NPC1: variants seen among roughly 807,000 people sequenced by gnomAD.
NPC1 encodes the protein Niemann-Pick C1 protein.
Under a neutral mutation model 140.4 loss-of-function variants are expected in NPC1, and 85 were observed. The ratio of observed to expected loss-of-function variants is 0.61; its 90% confidence interval spans 0.51 to 0.72. The LOEUF is 0.72. NPC1 is among the 30% of genes least tolerant of loss of function. NPC1 has a pLI of 0.00. For missense variants in NPC1, 1,504 were observed against 1,623.8 expected (o/e 0.93, Z 1.27); for synonymous variants, 656 against 624.8 (o/e 1.05, Z -0.74).
intron 3 of NPC1, among the ~76,000 whole-genome samples, chr18:23,514,779 A>G (rs972470498): frequency 2.6e-5 from 4 of 152,162 alleles, no homozygotes; most frequent in African/African-American, 4.8e-5. Flanking sequence ...GATCTTCAAG[A>G]AAAAAGTTAA....
chr18:23,544,248 C>T (rs2058751636), intron 13 of NPC1, 96 bp downstream of exon 13: 2 of 1,212,762 alleles, frequency 1.6e-6, no homozygotes, highest in Admixed American at 1.9e-5. Context: ...ACAAAACACC[C>T]TCACAGGTCA....
intron 1 of NPC1, among the ~76,000 whole-genome samples, chr18:23,575,925 A>AAAC (rs923568728): frequency 7.2e-5 from 11 of 152,038 alleles, no homozygotes; most frequent in Admixed American, 1.3e-4. Flanking sequence ...TGTCTCTTAA[A>AAAC]AACAACAACA....
At chr18:23,572,943 G>C (rs17259313) in intron 2 of NPC1, among the ~76,000 whole-genome samples, 7,700 of 152,254 alleles carry the variant, frequency 0.051, 301 homozygotes, top group East Asian at 0.2. Context: ...CTTTTCACAT[G>C]ATTTTTCCAG....
chr18:23,575,461 T>G (rs1288611640), intron 1 of NPC1, among the ~76,000 whole-genome samples: 2 of 151,964 alleles, frequency 1.3e-5, no homozygotes, highest in African/African-American at 4.8e-5. Flanking sequence ...CTGGAGCAGG[T>G]TACGTAACCA....
At chr18:23,545,234 A>AG in intron 11 of NPC1, 85 bp from the exon 12 acceptor site, 1 of 1,020,612 alleles carries the variant, frequency 9.8e-7, no homozygotes, top group Non-Finnish European at 1.5e-6. Context: ...CACGATACAA[A>AG]GGCCACGTTT....
chr18:23,548,336 ACT>A (rs1258560396), intron 10 of NPC1, among the ~76,000 whole-genome samples: 3 of 138,998 alleles, frequency 2.2e-5, no homozygotes, highest in South Asian at 2.2e-4. Context: ...AGGAAGAGTA[ACT>A]CTTTTTTTTT....
At chr18:23,541,941 T>TA (rs1191248250) in intron 14 of NPC1, among the ~76,000 whole-genome samples, 3 of 152,198 alleles carry the variant, frequency 2.0e-5, no homozygotes, top group Non-Finnish European at 2.9e-5. Flanking sequence ...GCCCACACTG[T>TA]ATCAACCCAT....
At chr18:23,531,159 T>G (rs757245846), downstream of NPC1, among the ~76,000 whole-genome samples, 15 of 152,014 alleles carry the variant, frequency 9.9e-5, no homozygotes, top group Non-Finnish European at 2.2e-4. Context: ...CCCGGCTGAT[T>G]TTTGTATTTT....
chr18:23,546,870 T>C (rs1252820472), intron 11 of NPC1, among the ~76,000 whole-genome samples: 1 of 152,230 alleles, frequency 6.6e-6, no homozygotes, highest in African/African-American at 2.4e-5. Context: ...AGTTAAAGGG[T>C]ACAGAGTTTT....
chr18:23,537,610 C>T (rs2058651235), intron 20 of NPC1, among the ~76,000 whole-genome samples: 1 of 152,176 alleles, frequency 6.6e-6, no homozygotes. Context: ...GGGTATACCA[C>T]CACCTACTCA....
chr18:23,525,431 TAA>T (rs2058269849), downstream of NPC1, among the ~76,000 whole-genome samples: 1 of 151,750 alleles, frequency 6.6e-6, no homozygotes, highest in South Asian at 2.1e-4. Flanking sequence ...ATAATAATAA[TAA>T]TAATTATTTT....
At chr18:23,551,509 A>G (rs2058872254) in intron 10 of NPC1, 118 bp downstream of exon 10, 2 of 819,566 alleles carry the variant, frequency 2.4e-6, no homozygotes, top group Non-Finnish European at 4.3e-6. Flanking sequence ...GGGATTCAAG[A>G]GGTAAGAAAT....
downstream of NPC1, chr18:23,526,843 C>T: frequency 6.5e-7 from 1 of 1,545,310 alleles, no homozygotes. Flanking sequence ...GGGATGTGGG[C>T]TACATTGTTG....
At chr18:23,584,958 G>T (rs1471122215) in intron 1 of NPC1, among the ~76,000 whole-genome samples, 2 of 152,154 alleles carry the variant, frequency 1.3e-5, no homozygotes, top group African/African-American at 2.4e-5. Flanking sequence ...AAGGTGGAAG[G>T]ACTGCTTGAG....
At chr18:23,518,005 G>A (rs375614002), downstream of NPC1, among the ~76,000 whole-genome samples, 89 of 152,268 alleles carry the variant, frequency 5.8e-4, 2 homozygotes, top group East Asian at 2.1e-3. Context: ...GGCATGAGCC[G>A]CCGTGCCCAG....
intron 6 of NPC1, among the ~76,000 whole-genome samples, chr18:23,558,890 A>G (rs1013588180): frequency 5.3e-5 from 8 of 151,948 alleles, no homozygotes; most frequent in Non-Finnish European, 8.8e-5. Flanking sequence ...ACCCCACAAC[A>G]GTCCCCGGTG....
chr18:23,529,486 G>T, downstream of NPC1: 3 of 1,249,720 alleles, frequency 2.4e-6, no homozygotes, highest in Non-Finnish European at 3.4e-6. Flanking sequence ...TTGTTGACGG[G>T]TGGTTCTGGA....
At position 23,551,732 on chromosome 18, in the gene NPC1, C is replaced by A. The variant is rs2058875869; in HGVS notation, c.1554-5G>T. On this transcript the variant is annotated splice_region_variant and splice_polypyrimidine_tract_variant and intron_variant, in intron 9 of 24. Transcript: ENST00000269228. Reference sequence around the variant, plus strand: ...TCATTCAGAGAGGCAGGAGCCCTGCCAAAAAGTTTAGAAAACACCTCCCAG... The same window carrying A: ...TCATTCAGAGAGGCAGGAGCCCTGCAAAAAAGTTTAGAAAACACCTCCCAG... 1 of 1,611,372 alleles carries A rather than the reference C, an allele frequency of 6.2e-7. No individual in the cohort carries two copies. The highest frequency in any genetic ancestry group is 1.7e-5 in the Admixed American group (1 of 60,008).
downstream of NPC1, among the ~76,000 whole-genome samples, chr18:23,520,775 TATTCAATC>T (rs2058122662): frequency 6.6e-6 from 1 of 152,108 alleles, no homozygotes; most frequent in Non-Finnish European, 1.5e-5. Context: ...TTGAACCAAG[TATTCAATC>T]GCTTAAATAC....
Sources: gnomAD v4.1 joint callset for allele counts (sites outside exome capture counted in the v4.1 genomes callset) on GRCh38, gnomAD v4.1.1 for gene constraint, MANE v1.5 for transcripts, NCBI Gene and HGNC (gene_info 2026-07-23, HGNC 2026-07-21) for gene names.